ZNF236: variants seen among roughly 807,000 people sequenced by gnomAD.
ZNF236 encodes the protein zinc finger protein 236.
ZNF236 carries 50 observed loss-of-function variants against 191.2 expected under a neutral mutation model. The observed-to-expected ratio is 0.26, with a 90% confidence interval of 0.21 to 0.33. The LOEUF is 0.33. Ranked by LOEUF, ZNF236 falls within the 10% of genes least tolerant of loss-of-function variation. The probability of loss-of-function intolerance (pLI) is 1.00; values close to 1 mark genes in which losing one functional copy is unlikely to be tolerated. For synonymous variants in ZNF236, 907 were observed against 928.8 expected (o/e 0.98, Z 0.43); for missense variants, 1,754 against 2,374.5 (o/e 0.74, Z 5.43).
rs780565928 is a variant in ZNF236, at chr18:76,895,119, C to T, written c.1524C>T (p.His508=). Residue 508 remains histidine (H), a synonymous_variant, in exon 10 of 31, where the codon CAC becomes CAT. Transcript: ENST00000320610. ...TCCGCCACATCCGCATCCACACCCA[C>T]GAGAAGCCCTTCAAGTGCCCGCAGT... ...DLVRHIRIHT[H]EKPFKCPQCF... 10 of 1,611,636 alleles carry T rather than the reference C, an allele frequency of 6.2e-6. No homozygotes were observed. The highest frequency in any genetic ancestry group is 1.1e-5 in the South Asian group (1 of 91,090).
intron 25 of ZNF236, among the ~76,000 whole-genome samples, chr18:76,930,183 C>T (rs1159320287): frequency 1.3e-5 from 2 of 152,194 alleles, no homozygotes; most frequent in Admixed American, 6.5e-5. Flanking sequence ...GGTGATAATA[C>T]ATTTTCTACT....
intron 25 of ZNF236, among the ~76,000 whole-genome samples, chr18:76,928,906 A>T (rs1424767643): frequency 6.6e-6 from 1 of 151,536 alleles, no homozygotes; most frequent in Non-Finnish European, 1.5e-5. Flanking sequence ...ACAGATATTA[A>T]CTCATTCAAT....
chr18:76,919,709 AT>A lies in ZNF236; in HGVS notation c.3275-65del. 3 of 1,564,040 alleles carry A rather than the reference AT, an allele frequency of 1.9e-6. No individual in the cohort carries two copies. The highest frequency in any genetic ancestry group is 3.5e-5 in the Admixed American group (2 of 56,632). On this transcript the variant is annotated intron_variant, in intron 19 of 30. Transcript: ENST00000320610. This position sits in a 1 kb window ranked among gnomAD's most constrained non-coding sequence, Gnocchi z 5.3. Reference sequence around the variant, plus strand: ...TTACATACATACCTATTTAGTTTTAATTGTTTTGCTAAAAACCTAGGTTTTC... The same window carrying A: ...TTACATACATACCTATTTAGTTTTAATGTTTTGCTAAAAACCTAGGTTTTC...
intron 1 of ZNF236, among the ~76,000 whole-genome samples, chr18:76,847,005 C>T (rs1391471811): frequency 6.6e-6 from 1 of 152,080 alleles, no homozygotes; most frequent in African/African-American, 2.4e-5. Context: ...GTTGGCCAGG[C>T]TGGTCTCAAA....
chr18:76,950,101 G>C (rs9945918), intron 27 of ZNF236, among the ~76,000 whole-genome samples: 4,745 of 152,248 alleles, frequency 0.031, 241 homozygotes, highest in African/African-American at 0.11. Flanking sequence ...GCTGCTGACT[G>C]ATCAAGGTGG....
intron 1 of ZNF236, among the ~76,000 whole-genome samples, chr18:76,827,475 G>C (rs144638683): frequency 1.3e-5 from 2 of 152,194 alleles, no homozygotes. Context: ...ATGAGCCACC[G>C]TGCCTGGCTG....
rs550878119 is a variant in ZNF236 at position 76,930,681 on chromosome 18, G to A, written c.4594+2575G>A. Among the ~76,000 whole-genome samples, 8 of 152,234 alleles carry A rather than the reference G, an allele frequency of 5.3e-5. No homozygotes were observed. The East Asian group carries it at 1.2e-3, about 22-fold the overall frequency. ...GGCTCGGCAAGCCTGCCCAGTGGAG[G>A]GCAGGGAGGGGAGGTTCTGTTATCG... On this transcript the variant is annotated intron_variant, in intron 25 of 30. Coordinates refer to ENST00000320610, the MANE Select transcript of ZNF236 (RefSeq NM_001306089.2).
Position 76,822,612 on chromosome 18 carries a change from C to T in ZNF236, c.5C>T (p.Pro2Leu), listed in dbSNP as rs1005052483. 13 of 151,634 alleles carry T rather than the reference C, an allele frequency of 8.6e-5. No homozygotes were observed. Among genetic ancestry groups the T allele is most frequent in the South Asian group, 3.5e-4 (2 of 5,662 alleles). The allele number at this position is 151,634 out of a possible 1,614,324, so 9.4% of individuals were successfully genotyped here. A position where few individuals can be genotyped will look rare whatever the true frequency, so the allele number is the denominator to read the frequency against. The change falls in exon 1 of 31, where the codon CCG (proline) becomes CTG (leucine). Residue 2 changes from proline (P) to leucine (L), a missense_variant. Pro to Leu is a moderately conservative substitution (Grantham distance 98). Coordinates refer to ENST00000320610, the MANE Select transcript of ZNF236 (RefSeq NM_001306089.2). M[P>L]RGRPPKPRES... Reference sequence around the variant, plus strand: ...GTGCGAGCCGGGCCGCCGACGATGCCGCGGGGCCGCCCCCCGAAGCCCAGG... The same window carrying T: ...GTGCGAGCCGGGCCGCCGACGATGCTGCGGGGCCGCCCCCCGAAGCCCAGG...
At chr18:76,882,165 G>T (rs1273170478) in intron 9 of ZNF236, among the ~76,000 whole-genome samples, 2 of 152,176 alleles carry the variant, frequency 1.3e-5, no homozygotes, top group African/African-American at 2.4e-5. Flanking sequence ...CATGCTTTCT[G>T]CAGGCTTTCT....
intron 1 of ZNF236, among the ~76,000 whole-genome samples, chr18:76,827,568 C>A (rs1479896797): frequency 1.3e-5 from 2 of 152,224 alleles, no homozygotes; most frequent in African/African-American, 4.8e-5. Flanking sequence ...GAGACATGAT[C>A]TCTAGGTATC....
chr18:76,828,102 T>C (rs1247048632), intron 1 of ZNF236, among the ~76,000 whole-genome samples: 1 of 152,120 alleles, frequency 6.6e-6, no homozygotes, highest in Non-Finnish European at 1.5e-5. Context: ...TTTTCAGTTT[T>C]CTTGGATGAA....
intron 21 of ZNF236, 51 bp downstream of exon 21, chr18:76,923,225 G>T (rs557648348): frequency 3.2e-6 from 4 of 1,252,398 alleles, no homozygotes; most frequent in Non-Finnish European, 4.7e-6. Flanking sequence ...ATAGCATTTC[G>T]TATGTTTTGT....
At chr18:76,929,185 G>A (rs1967786222) in intron 25 of ZNF236, among the ~76,000 whole-genome samples, 1 of 151,712 alleles carries the variant, frequency 6.6e-6, no homozygotes, top group African/African-American at 2.4e-5. Flanking sequence ...TTTTCAGGAA[G>A]GTGTCTTTAT....
chr18:76,830,423 G>A (rs1178962589), intron 1 of ZNF236, among the ~76,000 whole-genome samples: 1 of 151,920 alleles, frequency 6.6e-6, no homozygotes, highest in East Asian at 1.9e-4. Context: ...GTATTTATGG[G>A]CCGTAGTGGA....
intron 1 of ZNF236, among the ~76,000 whole-genome samples, chr18:76,827,247 T>C (rs1267475336): frequency 6.7e-6 from 1 of 150,180 alleles, no homozygotes; most frequent in Non-Finnish European, 1.5e-5. Context: ...GTGCAGTGGC[T>C]TGATCTCGGC....
chr18:76,891,102 T>G (rs527564557), intron 9 of ZNF236, among the ~76,000 whole-genome samples: 8 of 152,238 alleles, frequency 5.3e-5, no homozygotes, highest in Non-Finnish European at 8.8e-5. Context: ...AGGAGGCTAT[T>G]GACAGTTAAG....
At position 76,907,710 on chromosome 18, in the gene ZNF236, T is replaced by C. The variant is rs74599526; in HGVS notation, c.2298-610T>C. 2.7e-3 allele frequency among the ~76,000 whole-genome samples: 412 copies of C among 151,984 alleles called. 1 individual carries two copies. Among genetic ancestry groups the C allele is most frequent in the Middle Eastern group, 0.017 (5 of 294 alleles). On this transcript the variant is annotated intron_variant, in intron 13 of 30. Coordinates refer to ENST00000320610, the MANE Select transcript of ZNF236 (RefSeq NM_001306089.2). ...GAGATTTTTTTCTTTTTTTTTTTTT[T>C]CAAGTTCTCAGTTCATTGCTGAATT...
At chr18:76,940,388 C>T (rs1474851252) in intron 26 of ZNF236, among the ~76,000 whole-genome samples, 5 of 151,804 alleles carry the variant, frequency 3.3e-5, no homozygotes, top group Admixed American at 1.3e-4. Context: ...ACACGGTGGG[C>T]GACCCTAGCA....
intron 10 of ZNF236, among the ~76,000 whole-genome samples, chr18:76,895,687 C>A (rs682712): frequency 1.3e-5 from 2 of 151,736 alleles, no homozygotes; most frequent in African/African-American, 2.4e-5. Flanking sequence ...CACACAGTAC[C>A]CCACATAGTA....
Sources: allele counts gnomAD v4.1 joint callset (sites outside exome capture counted in the v4.1 genomes callset), GRCh38; gene constraint gnomAD v4.1.1; non-coding constraint Gnocchi (gnomAD v3.1); transcripts MANE v1.5; gene names NCBI Gene and HGNC (gene_info 2026-07-23, HGNC 2026-07-21).